The following AATF variants were observed in gnomAD, a reference collection of about 807,000 sequenced individuals.
The protein encoded by AATF is apoptosis antagonizing transcription factor, also known as protein AATF.
AATF carries 48 observed loss-of-function variants against 63.7 expected under a neutral mutation model. The ratio of observed to expected loss-of-function variants is 0.75; its 90% confidence interval spans 0.60 to 0.96. The LOEUF (loss-of-function observed/expected upper bound fraction) is 0.96. Among genes scored for constraint, AATF ranks in the 40% least tolerant of loss-of-function variants. AATF has a pLI of 0.00. For synonymous variants in AATF, 258 were observed against 247.7 expected, an observed-to-expected ratio of 1.04 and a Z score of -0.39; for missense variants, 639 against 685.7, an observed-to-expected ratio of 0.93 and a Z score of 0.76.
At chr17:37,018,126 C>G (rs2071441655) in intron 8 of AATF, among the ~76,000 whole-genome samples, 1 of 152,212 alleles carries the variant, frequency 6.6e-6, no homozygotes, top group Non-Finnish European at 1.5e-5. Context: ...GCATATAGCA[C>G]TTATAGTTCT....
intron 4 of AATF, among the ~76,000 whole-genome samples, chr17:36,984,977 C>CT (rs1371877870): frequency 6.6e-6 from 1 of 151,100 alleles, no homozygotes; most frequent in Non-Finnish European, 1.5e-5. Context: ...TCTCAGCTCA[C>CT]TGCAACCTCT....
At chr17:36,958,776 A>G (rs1362881681) in intron 4 of AATF, among the ~76,000 whole-genome samples, 1 of 152,324 alleles carries the variant, frequency 6.6e-6, no homozygotes, top group East Asian at 1.9e-4. Context: ...AATTTTCAGC[A>G]TGTATGTTCA....
At chr17:37,036,075 C>G (rs973340793) in intron 11 of AATF, among the ~76,000 whole-genome samples, 2 of 152,172 alleles carry the variant, frequency 1.3e-5, no homozygotes, top group Admixed American at 6.5e-5. Flanking sequence ...CAGATGCACA[C>G]CACCACACTC....
Position 37,003,612 on chromosome 17 carries a change from G to A in AATF, c.1398+12755G>A, listed in dbSNP as rs1246683260. On this transcript the variant is annotated intron_variant, in intron 8 of 11. Transcript: ENST00000619387. ...CTCCCAAGTAGCTGGAACTAAAGGCGTGCACCACCACACCCGGCTGGTTTT... is the reference window on the plus strand; with the variant it reads ...CTCCCAAGTAGCTGGAACTAAAGGCATGCACCACCACACCCGGCTGGTTTT... 4.6e-5 allele frequency among the ~76,000 whole-genome samples: 7 copies of A among 151,158 alleles called. No individual in the cohort carries two copies. The East Asian group carries it at 9.9e-4, about 21-fold the overall frequency.
At chr17:36,963,284 C>T (rs895230880) in intron 4 of AATF, among the ~76,000 whole-genome samples, 4 of 152,148 alleles carry the variant, frequency 2.6e-5, no homozygotes, top group Non-Finnish European at 4.4e-5. Context: ...TAGTGAGCAT[C>T]GATCAACAGA....
Position 36,989,337 on chromosome 17 carries a change from C to T in AATF, c.1240C>T (p.Arg414Cys), listed in dbSNP as rs924491861. The T allele has an allele frequency of 1.9e-6, 3 of 1,614,094 alleles. No individual in the cohort carries two copies. Among genetic ancestry groups the T allele is most frequent in the Non-Finnish European group, 2.5e-6 (3 of 1,179,992 alleles). ...ERLLRRTQTK[R>C]SVYRVLGKPE... ...ATTACTTCGAAGGACACAGACCAAG[C>T]GCTCTGTCTATCGAGTTCTTGGCAA... is the stretch of plus-strand genomic sequence containing the variant. The change falls in exon 7 of 12, where the codon CGC becomes TGC. Residue 414 changes from arginine (R) to cysteine (C), a missense_variant. By Grantham distance (180) the Arg-to-Cys change is radical (BLOSUM62 -3). Coordinates refer to ENST00000619387, the MANE Select transcript of AATF (RefSeq NM_012138.4).
chr17:36,992,566 G>A (rs2071223959), intron 8 of AATF, among the ~76,000 whole-genome samples: 2 of 150,966 alleles, frequency 1.3e-5, no homozygotes, highest in South Asian at 4.2e-4. Context: ...ATAAAATAAA[G>A]TGAAATTACT....
At chr17:37,045,595 A>C (rs2071683041) in intron 11 of AATF, 1 of 152,240 alleles carries the variant, frequency 6.6e-6, no homozygotes, top group Non-Finnish European at 1.5e-5. Context: ...AGAAAGAAGA[A>C]ATCAATACAC....
At chr17:37,049,537 G>A (rs774422233) in intron 11 of AATF, among the ~76,000 whole-genome samples, 3 of 151,768 alleles carry the variant, frequency 2.0e-5, no homozygotes, top group East Asian at 1.9e-4. Context: ...CCTGGGAGGC[G>A]GAGCTTGCAG....
intron 4 of AATF, among the ~76,000 whole-genome samples, chr17:36,978,417 C>T (rs2071095173): frequency 6.6e-6 from 1 of 152,120 alleles, no homozygotes; most frequent in African/African-American, 2.4e-5. Context: ...ACGCCTTCTA[C>T]TGTGGTGCCC....
At chr17:37,031,323 ATGTGTG>A (rs1417447948) in intron 10 of AATF, 3 of 441,930 alleles carry the variant, frequency 6.8e-6, no homozygotes, top group Non-Finnish European at 1.2e-5. Flanking sequence ...ATATGGGAGC[ATGTGTG>A]TAGATTACAT....
At chr17:37,012,819 A>T (rs1442993830) in intron 8 of AATF, among the ~76,000 whole-genome samples, 1 of 152,206 alleles carries the variant, frequency 6.6e-6, no homozygotes, top group Non-Finnish European at 1.5e-5. Context: ...TTGGACCCCT[A>T]CCTTACACTA....
At chr17:37,033,052 C>T (rs531823222) in intron 11 of AATF, among the ~76,000 whole-genome samples, 2 of 152,242 alleles carry the variant, frequency 1.3e-5, no homozygotes, top group African/African-American at 4.8e-5. Context: ...TTTTCCCCTC[C>T]TTGTCTGAAA....
intron 10 of AATF, among the ~76,000 whole-genome samples, chr17:37,022,113 C>CGTGCGT (rs1491347309): frequency 1.4e-5 from 2 of 145,334 alleles, no homozygotes; most frequent in African/African-American, 5.1e-5. Flanking sequence ...TGGTAACTGC[C>CGTGCGT]GTGTGTGTGT....
At position 36,950,334 on chromosome 17, in the gene AATF, A is replaced by G; in HGVS notation, c.212A>G (p.Tyr71Cys). 1 of 1,614,206 alleles carries G rather than the reference A, an allele frequency of 6.2e-7. No individual in the cohort carries two copies. The highest frequency in any genetic ancestry group is 8.5e-7 in the Non-Finnish European group (1 of 1,180,038). The change falls in exon 2 of 12, where the codon TAT becomes TGT. Residue 71 changes from tyrosine (Y) to cysteine (C), a missense_variant. Tyr to Cys is a radical substitution (Grantham distance 194). Coordinates refer to ENST00000619387, the MANE Select transcript of AATF (RefSeq NM_012138.4). The part of the protein sequence containing the change: ...SASLLDTDKR[Y>C]CGKTTSRKAW... The stretch of plus-strand genomic sequence containing the variant: ...TCCCTCTTGGACACGGACAAAAGGT[A>G]TTGCGGCAAAACCACCTCTAGAAAA...
At chr17:37,054,863 C>T (rs967417233) in intron 11 of AATF, 16 of 152,198 alleles carry the variant, frequency 1.1e-4, no homozygotes, top group African/African-American at 3.9e-4. Context: ...CTCCCTTTCA[C>T]GCCATTTAAT....
chr17:36,949,196 CT>C lies in AATF; in HGVS notation c.72del (p.Glu25LysfsTer12). The C allele has an allele frequency of 6.3e-7, 1 of 1,593,096 alleles. No homozygotes were observed. Among genetic ancestry groups the C allele is most frequent in the South Asian group, 1.1e-5 (1 of 87,248 alleles). ...AACCCGCGACCAAGCGAGGCGGACC[CT>C]GAAGCGGACCCCGAGGAAGGTGAGG... The part of the protein sequence containing the change: ...LLNPRPSEAD[P>X]EADPEEATAA... On this transcript the variant is annotated frameshift_variant, in exon 1 of 12. Transcript: ENST00000619387. LOFTEE classifies it high-confidence loss of function.
At chr17:37,040,757 C>T (rs575351066) in intron 11 of AATF, among the ~76,000 whole-genome samples, 29 of 151,022 alleles carry the variant, frequency 1.9e-4, no homozygotes, top group East Asian at 1.5e-3. Flanking sequence ...TCCCCCCCCA[C>T]GCTTTCTTTT....
intron 4 of AATF, among the ~76,000 whole-genome samples, chr17:36,970,488 AAGTCAAGTC>A (rs1262949510): frequency 2.0e-5 from 3 of 152,096 alleles, no homozygotes; most frequent in Non-Finnish European, 2.9e-5. Context: ...TAAAGGTGCA[AAGTCAAGTC>A]AGTCAAGTCA....
Sources: allele counts gnomAD v4.1 joint callset (sites outside exome capture counted in the v4.1 genomes callset), GRCh38; gene constraint gnomAD v4.1.1; transcripts MANE v1.5; gene names NCBI Gene and HGNC (gene_info 2026-07-23, HGNC 2026-07-21).